CSMD1: variants seen among roughly 807,000 people sequenced by gnomAD.
CSMD1 encodes the protein CUB and Sushi multiple domains 1, also known as CUB and sushi domain-containing protein 1.
A neutral mutation model predicts 417.5 loss-of-function variants in CSMD1; 213 were observed. That is an observed-to-expected ratio of 0.51 (90% CI 0.46 to 0.57). CSMD1 has a LOEUF of 0.57. Ranked by LOEUF, CSMD1 falls within the 20% of genes least tolerant of loss-of-function variation. The pLI is 0.00. For missense variants in CSMD1, 6,923 were observed against 4,529.7 expected (o/e 1.53, Z -15.17); for synonymous variants, 2,862 against 1,736.8 (o/e 1.65, Z -16.11).
intron 3 of CSMD1, among the ~76,000 whole-genome samples, chr8:4,409,713 A>C (rs1192091200): frequency 1.3e-5 from 2 of 151,464 alleles, no homozygotes; most frequent in African/African-American, 4.8e-5. Context: ...GAAGGTGGAC[A>C]CAGGCTTCCC....
chr8:3,813,065 T>C (rs976097705), intron 5 of CSMD1, among the ~76,000 whole-genome samples: 1 of 151,080 alleles, frequency 6.6e-6, no homozygotes, highest in Non-Finnish European at 1.5e-5. Context: ...AAGGCTGGTA[T>C]ACCAAGAAAA....
chr8:3,557,966 A>T (rs536158530), intron 10 of CSMD1, among the ~76,000 whole-genome samples: 1 of 152,170 alleles, frequency 6.6e-6, no homozygotes, highest in Admixed American at 6.5e-5. Context: ...GTGTGCTACT[A>T]CTCCAATGAT....
intron 7 of CSMD1, among the ~76,000 whole-genome samples, chr8:3,666,698 C>G (rs1284168103): frequency 6.6e-6 from 1 of 152,138 alleles, no homozygotes; most frequent in Non-Finnish European, 1.5e-5. Flanking sequence ...CTCATGCAAT[C>G]TGATGTCTTT....
intron 7 of CSMD1, among the ~76,000 whole-genome samples, chr8:3,653,351 C>T (rs976582420): frequency 7.2e-5 from 11 of 152,112 alleles, no homozygotes; most frequent in South Asian, 4.2e-4. Context: ...TTTTGTTGTC[C>T]GGGCTGTACT....
intron 37 of CSMD1, among the ~76,000 whole-genome samples, chr8:3,170,958 G>C (rs926375774): frequency 1.6e-4 from 24 of 152,170 alleles, no homozygotes; most frequent in Non-Finnish European, 2.9e-5. Flanking sequence ...GGCACACAAT[G>C]TTGAACCACT....
At chr8:3,257,340 C>T (rs556816315) in intron 26 of CSMD1, among the ~76,000 whole-genome samples, 13 of 152,342 alleles carry the variant, frequency 8.5e-5, no homozygotes, top group Non-Finnish European at 4.4e-5. Flanking sequence ...AAACAGAAAA[C>T]TTCTGAGTGC....
intron 7 of CSMD1, among the ~76,000 whole-genome samples, chr8:3,697,309 T>G (rs1335432146): frequency 1.3e-5 from 2 of 152,226 alleles, no homozygotes; most frequent in Non-Finnish European, 2.9e-5. Context: ...TTCGGTTTTC[T>G]CCTTACACCT....
intron 4 of CSMD1, among the ~76,000 whole-genome samples, chr8:4,019,770 T>G (rs922971580): frequency 1.3e-5 from 2 of 152,136 alleles, no homozygotes; most frequent in African/African-American, 2.4e-5. Flanking sequence ...TCTGTCCAAG[T>G]GGTGGTGTGT....
rs563343278 is a variant in CSMD1 at position 3,181,195 on chromosome 8, C to T, written c.5640G>A (p.Leu1880=). ...GSFSGTTVPA[L]LNSTSNQLYL... is the part of the protein sequence containing the mutation. The stretch of plus-strand genomic sequence containing the variant: ...AGAGTTGGTTGGAAGTACTGTTCAG[C>T]AGTGCCGGTACTGTGGTGCCTGTAA... Residue 1880 remains leucine, a synonymous_variant, in exon 37 of 70, where the codon CTG becomes CTA. Coordinates refer to ENST00000635120, the MANE Select transcript of CSMD1 (RefSeq NM_033225.6). The T allele has an allele frequency of 3.7e-6, 6 of 1,613,448 alleles. No individual in the cohort carries two copies. In the South Asian group the frequency reaches 6.6e-5, roughly 18 times the overall value.
chr8:3,218,455 G>A (rs1305406235), intron 29 of CSMD1, among the ~76,000 whole-genome samples: 1 of 151,684 alleles, frequency 6.6e-6, no homozygotes, highest in East Asian at 1.9e-4. Flanking sequence ...CAGCTACTCG[G>A]GAGGCTGAGG....
At chr8:3,499,761 C>T (rs1310183491) in intron 10 of CSMD1, among the ~76,000 whole-genome samples, 1 of 151,992 alleles carries the variant, frequency 6.6e-6, no homozygotes, top group Non-Finnish European at 1.5e-5. Flanking sequence ...CATAGTCCTG[C>T]ATCCTTCTCC....
chr8:4,451,976 A>G (rs1799174173), intron 2 of CSMD1, among the ~76,000 whole-genome samples: 1 of 149,102 alleles, frequency 6.7e-6, no homozygotes, highest in South Asian at 2.1e-4. Context: ...ATAATTTGAT[A>G]TACATATAGT....
chr8:4,779,534 A>AACCAAGGG (rs1797041246), intron 1 of CSMD1, among the ~76,000 whole-genome samples: 1 of 152,198 alleles, frequency 6.6e-6, no homozygotes. Flanking sequence ...AAGGAACATT[A>AACCAAGGG]ACCAAGGGTT....
rs534286555 is a variant in CSMD1 at position 3,212,037 on chromosome 8, G to A, written c.4867+2460C>T. 1.2e-3 allele frequency among the ~76,000 whole-genome samples: 189 copies of A among 152,206 alleles called. 1 individual carries two copies. The highest frequency in any genetic ancestry group is 1.9e-3 in the Non-Finnish European group (131 of 68,024). ...GACACCCACTTCTTCGTTTGTCTCCGTCCTGTTTTGGGGGCTGTGCAGGCA... is the reference window on the plus strand; with the variant it reads ...GACACCCACTTCTTCGTTTGTCTCCATCCTGTTTTGGGGGCTGTGCAGGCA... On this transcript the variant is annotated intron_variant, in intron 30 of 69. Coordinates refer to ENST00000635120, the MANE Select transcript of CSMD1 (RefSeq NM_033225.6).
chr8:3,716,311 G>C (rs1801829000), intron 6 of CSMD1, among the ~76,000 whole-genome samples: 1 of 152,164 alleles, frequency 6.6e-6, no homozygotes, highest in Non-Finnish European at 1.5e-5. Context: ...TAAAGTGAAA[G>C]CAAGTTTATT....
intron 7 of CSMD1, among the ~76,000 whole-genome samples, chr8:3,661,167 G>A (rs1276663572): frequency 1.3e-5 from 2 of 152,126 alleles, no homozygotes; most frequent in Non-Finnish European, 2.9e-5. Context: ...ACTCCTTGTG[G>A]ATGAATTGCA....
chr8:3,867,686 A>G (rs190151374), intron 5 of CSMD1, among the ~76,000 whole-genome samples: 32 of 152,260 alleles, frequency 2.1e-4, no homozygotes, highest in African/African-American at 5.8e-4. Context: ...ACCTAGAACC[A>G]TGTACTACAC....
intron 1 of CSMD1, among the ~76,000 whole-genome samples, chr8:4,884,051 C>A (rs1305961329): frequency 6.6e-6 from 1 of 151,940 alleles, no homozygotes; most frequent in Non-Finnish European, 1.5e-5. Context: ...TGGTGTCTCA[C>A]TATGGTTGGA....
chr8:3,813,193 T>C (rs953445628), intron 5 of CSMD1, among the ~76,000 whole-genome samples: 2 of 151,936 alleles, frequency 1.3e-5, no homozygotes, highest in Non-Finnish European at 2.9e-5. Flanking sequence ...ATAATTTTAC[T>C]TCAGTCAGGT....
Sources: allele counts gnomAD v4.1 joint callset (sites outside exome capture counted in the v4.1 genomes callset), GRCh38; gene constraint gnomAD v4.1.1; transcripts MANE v1.5; gene names NCBI Gene and HGNC (gene_info 2026-07-23, HGNC 2026-07-21).